USP13: variants seen among roughly 807,000 people sequenced by gnomAD.
USP13 encodes ubiquitin specific peptidase 13, also known as ubiquitin carboxyl-terminal hydrolase 13.
A neutral mutation model predicts 107.8 loss-of-function variants in USP13; 68 were observed. The ratio of observed to expected loss-of-function variants is 0.63; its 90% confidence interval spans 0.52 to 0.77. The LOEUF (loss-of-function observed/expected upper bound fraction) is 0.77, where lower values mean the gene tolerates loss of function less well. Ranked by LOEUF, USP13 falls within the 30% of genes least tolerant of loss-of-function variation. USP13 has a pLI of 0.00. For synonymous variants in USP13, 377 were observed against 389.5 expected, an observed-to-expected ratio of 0.97 and a Z score of 0.38; for missense variants, 945 against 1,093.3, an observed-to-expected ratio of 0.86 and a Z score of 1.91.
intron 6 of USP13, among the ~76,000 whole-genome samples, chr3:179,715,450 C>T (rs992982879): frequency 1.3e-5 from 2 of 150,206 alleles, no homozygotes; most frequent in Non-Finnish European, 3.0e-5. Flanking sequence ...CTGCAACCTC[C>T]GCCTCCTGGG....
In USP13 at chr3:179,753,234, C is replaced by T. The variant is rs114697222; in HGVS notation, c.1798+861C>T. On this transcript the variant is annotated intron_variant, in intron 14 of 20. Coordinates refer to ENST00000263966, the MANE Select transcript of USP13 (RefSeq NM_003940.3). The stretch of plus-strand genomic sequence containing the variant: ...GGGATAGGTAAAAAGGATGTAGAAT[C>T]GGCTGGAGTGATTTCCTAGAGACCT... Among the ~76,000 whole-genome samples, 312 of 152,304 alleles carry T rather than the reference C, an allele frequency of 2.0e-3. 1 individual carries two copies. Among genetic ancestry groups the T allele is most frequent in the African/African-American group, 7.2e-3 (301 of 41,560 alleles).
At chr3:179,658,346 T>C (rs1720348400) in intron 1 of USP13, among the ~76,000 whole-genome samples, 1 of 152,206 alleles carries the variant, frequency 6.6e-6, no homozygotes, top group Non-Finnish European at 1.5e-5. Context: ...CTTCATCCTT[T>C]CCTCTGAATG....
chr3:179,695,611 G>A (rs1241870573), intron 3 of USP13, among the ~76,000 whole-genome samples: 1 of 151,488 alleles, frequency 6.6e-6, no homozygotes, highest in African/African-American at 2.4e-5. Flanking sequence ...AAAACATTTA[G>A]GATTAAAATT....
chr3:179,742,130 A>C lies in USP13; in HGVS notation c.1381-67A>C. Reference sequence around the variant, plus strand: ...AGTGTTTACACCGGGTTTAGAGTTCATTTTCTACTAAGTCTTAGTGGCTCA... The same window carrying C: ...AGTGTTTACACCGGGTTTAGAGTTCCTTTTCTACTAAGTCTTAGTGGCTCA... On this transcript the variant is annotated intron_variant, in intron 11 of 20. Coordinates refer to ENST00000263966, the MANE Select transcript of USP13 (RefSeq NM_003940.3). This position sits in a 1 kb window ranked among gnomAD's most constrained non-coding sequence, Gnocchi z 5.0. 1 of 1,595,198 alleles carries C rather than the reference A, an allele frequency of 6.3e-7. No individual in the cohort carries two copies. The highest frequency in any genetic ancestry group is 8.6e-7 in the Non-Finnish European group (1 of 1,166,134).
At chr3:179,714,705 T>C (rs932445448) in intron 6 of USP13, among the ~76,000 whole-genome samples, 1 of 152,078 alleles carries the variant, frequency 6.6e-6, no homozygotes, top group Non-Finnish European at 1.5e-5. Context: ...CTGGGCAGCA[T>C]AGTGAGACCC....
intron 4 of USP13, among the ~76,000 whole-genome samples, chr3:179,705,720 T>TA (rs545705350): frequency 0.011 from 1,732 of 152,292 alleles, 33 homozygotes; most frequent in African/African-American, 0.039. Flanking sequence ...TTTTATTTTT[T>TA]ATTAAAAAAA....
chr3:179,712,129 T>G (rs1712953015), intron 6 of USP13, among the ~76,000 whole-genome samples: 1 of 152,234 alleles, frequency 6.6e-6, no homozygotes, highest in Non-Finnish European at 1.5e-5. Flanking sequence ...TGTAATTAGA[T>G]TCTATTTAAA....
At chr3:179,704,584 G>C (rs527800450) in intron 4 of USP13, among the ~76,000 whole-genome samples, 1 of 152,128 alleles carries the variant, frequency 6.6e-6, no homozygotes, top group Non-Finnish European at 1.5e-5. Flanking sequence ...TCAGGAACAA[G>C]GAAGAAGTCC....
intron 16 of USP13, among the ~76,000 whole-genome samples, chr3:179,757,753 C>T (rs921311699): frequency 6.6e-6 from 1 of 152,330 alleles, no homozygotes; most frequent in Non-Finnish European, 1.5e-5. Flanking sequence ...CTGAATCTTA[C>T]ACATTGCGAA....
At chr3:179,738,272 G>C (rs1714063061) in intron 10 of USP13, among the ~76,000 whole-genome samples, 1 of 152,194 alleles carries the variant, frequency 6.6e-6, no homozygotes, top group Non-Finnish European at 1.5e-5. Context: ...TGGAAAAGTG[G>C]GTGGGTAGCA....
At chr3:179,670,846 T>C (rs1051731066) in intron 1 of USP13, among the ~76,000 whole-genome samples, 1 of 151,950 alleles carries the variant, frequency 6.6e-6, no homozygotes, top group East Asian at 2.0e-4. Flanking sequence ...TACAGGTGTG[T>C]GCCACCATGC....
At chr3:179,743,954 C>T (rs1576970729) in intron 12 of USP13, among the ~76,000 whole-genome samples, 1 of 98,318 alleles carries the variant, frequency 1.0e-5, no homozygotes, top group Admixed American at 1.2e-4. Flanking sequence ...TTGAGTAATA[C>T]AAAAGAAATG....
chr3:179,653,689 C>G lies in USP13; in HGVS notation c.168+296C>G. ...TAAAGATAGATGAAATACAAGAGTT[C>G]CCTGTTCCGAACTGCACGTTGCAGA... On this transcript the variant is annotated intron_variant, in intron 1 of 20. Coordinates refer to ENST00000263966, the MANE Select transcript of USP13 (RefSeq NM_003940.3). The surrounding 1 kb of genome is among the most constrained non-coding windows in gnomAD (Gnocchi z 4.0). 2 of 380,064 alleles carry G rather than the reference C, an allele frequency of 5.3e-6. No homozygotes were observed. Among genetic ancestry groups the G allele is most frequent in the South Asian group, 3.2e-5 (1 of 30,770 alleles). The allele number at this position is 380,064 out of a possible 1,614,324, so 23.5% of individuals were successfully genotyped here. A position where few individuals can be genotyped will look rare whatever the true frequency, so the allele number is the denominator to read the frequency against.
At position 179,711,280 on chromosome 3, in the gene USP13, G is replaced by T. The variant is rs187567756; in HGVS notation, c.805+2323G>T. 1.9e-4 allele frequency among the ~76,000 whole-genome samples: 29 copies of T among 152,118 alleles called. 1 individual carries two copies. Among genetic ancestry groups the T allele is most frequent in the African/African-American group, 6.5e-4 (27 of 41,460 alleles). ...GTCACCCAGGCTGGAGTGCGGTGGC[G>T]TGATCTCAGCTCACTGCAACCTCCA... On this transcript the variant is annotated intron_variant, in intron 6 of 20. Coordinates refer to ENST00000263966, the MANE Select transcript of USP13 (RefSeq NM_003940.3).
intron 1 of USP13, among the ~76,000 whole-genome samples, chr3:179,673,640 T>A (rs1720809388): frequency 6.6e-6 from 1 of 152,050 alleles, no homozygotes; most frequent in South Asian, 2.1e-4. Context: ...TGGGAGTAGT[T>A]CCTGGGCAGA....
In USP13 at chr3:179,764,089, A is replaced by C. The variant is rs1715096171; in HGVS notation, c.2180A>C (p.Gln727Pro). The part of the protein sequence containing the change: ...SVFGASGLDN[Q>P]PPEEIVAIIT... ...TTTGGTGCTTCTGGACTGGATAACC[A>C]ACCTCCAGAGGAAATCGTAGCTATC... Residue 727 changes from glutamine (Q) to proline (P), a missense_variant, in exon 18 of 21, where the codon CAA becomes CCA. Gln to Pro is a moderately conservative substitution (Grantham distance 76). Transcript: ENST00000263966. 1 of 1,614,076 alleles carries C rather than the reference A, an allele frequency of 6.2e-7. No homozygotes were observed. The highest frequency in any genetic ancestry group is 8.5e-7 in the Non-Finnish European group (1 of 1,180,020).
Position 179,721,842 on chromosome 3 carries a change from C to T in USP13, c.1088+253C>T, listed in dbSNP as rs1031402580. Among the ~76,000 whole-genome samples, 5 of 151,904 alleles carry T rather than the reference C, an allele frequency of 3.3e-5. No homozygotes were observed. The highest frequency in any genetic ancestry group is 5.9e-5 in the Non-Finnish European group (4 of 67,970). On this transcript the variant is annotated intron_variant, in intron 8 of 20. Coordinates refer to ENST00000263966, the MANE Select transcript of USP13 (RefSeq NM_003940.3). The surrounding 1 kb of genome is among the most constrained non-coding windows in gnomAD (Gnocchi z 4.3). Reference sequence around the variant, plus strand: ...ATCTCAGCACTTTGGGAGGCCGAGGCGGGCAGATCACGAGGTCAGGAGTTC... The same window carrying T: ...ATCTCAGCACTTTGGGAGGCCGAGGTGGGCAGATCACGAGGTCAGGAGTTC...
At chr3:179,772,353 A>G (rs1715366362) in intron 19 of USP13, among the ~76,000 whole-genome samples, 1 of 152,234 alleles carries the variant, frequency 6.6e-6, no homozygotes, top group South Asian at 2.1e-4. Context: ...TGCCAATGAA[A>G]TTAACATGTG....
rs1714631809 is a variant in USP13, at chr3:179,752,063, A to C, written c.1710-222A>C. On this transcript the variant is annotated intron_variant, in intron 13 of 20. Coordinates refer to ENST00000263966, the MANE Select transcript of USP13 (RefSeq NM_003940.3). ...TACCCAAAAGCATTCTTAAACGATA[A>C]CATTCTACATTAAACATTTTCTTCT... 2.0e-5 allele frequency among the ~76,000 whole-genome samples: 3 copies of C among 152,202 alleles called. No individual in the cohort carries two copies. In the South Asian group the frequency reaches 6.2e-4, roughly 31 times the overall value.
Sources: allele counts gnomAD v4.1 joint callset (sites outside exome capture counted in the v4.1 genomes callset), GRCh38; gene constraint gnomAD v4.1.1; non-coding constraint Gnocchi (gnomAD v3.1); transcripts MANE v1.5; gene names NCBI Gene and HGNC (gene_info 2026-07-23, HGNC 2026-07-21).